The following ATP13A4 variants were observed in gnomAD, a reference collection of about 807,000 sequenced individuals.
The protein encoded by ATP13A4 is ATPase 13A4.
Under a neutral mutation model 142.5 loss-of-function variants are expected in ATP13A4, and 114 were observed. That is an observed-to-expected ratio of 0.80 (90% confidence interval 0.69 to 0.93). The LOEUF (loss-of-function observed/expected upper bound fraction) is 0.93. Among genes scored for constraint, ATP13A4 ranks in the 40% least tolerant of loss-of-function variants. The pLI is 0.00. For missense variants in ATP13A4, 1,392 were observed against 1,454.0 expected (o/e 0.96, Z 0.69); for synonymous variants, 488 against 514.8 (o/e 0.95, Z 0.70).
At chr3:193,549,184 T>C (rs935055020) in intron 1 of ATP13A4, among the ~76,000 whole-genome samples, 1 of 152,144 alleles carries the variant, frequency 6.6e-6, no homozygotes, top group African/African-American at 2.4e-5. Flanking sequence ...CATGATGTGT[T>C]AATCCAAATT....
chr3:193,410,396 T>A (rs1285045374), intron 28 of ATP13A4, among the ~76,000 whole-genome samples: 4 of 152,140 alleles, frequency 2.6e-5, no homozygotes, highest in Non-Finnish European at 5.9e-5. Context: ...AGAAAAACAT[T>A]TTCTCATAGG....
At position 193,414,741 on chromosome 3, in the gene ATP13A4, T is replaced by C; in HGVS notation, c.2852A>G (p.Asn951Ser). ...AGGCACCAGCTTAGGGTAGGCACCA[T>C]TCAGATTCACTATAAAATAAATTCG... ...TTLIGVTMNL[N>S]GAYPKLVPFR... Residue 951 changes from asparagine to serine, a missense_variant, in exon 26 of 30, where the codon AAT (asparagine) becomes AGT (serine). Physicochemically the swap from Asn to Ser is conservative, Grantham distance 46. Coordinates refer to ENST00000342695, the MANE Select transcript of ATP13A4 (RefSeq NM_032279.4). The C allele has an allele frequency of 1.2e-6, 2 of 1,614,048 alleles. No individual in the cohort carries two copies. The highest frequency in any genetic ancestry group is 1.7e-6 in the Non-Finnish European group (2 of 1,179,976).
At position 193,497,903 on chromosome 3, in the gene ATP13A4, C is replaced by T. The variant is rs144317689; in HGVS notation, c.381+4590G>A. Among the ~76,000 whole-genome samples, 18 of 152,026 alleles carry T rather than the reference C, an allele frequency of 1.2e-4. No homozygotes were observed. The East Asian group carries it at 3.5e-3, about 29-fold the overall frequency. ...AGTAGGGAGTACAATATTGGCTATC[C>T]GAGGTTGGGGGGAATAGCATAGACA... On this transcript the variant is annotated intron_variant, in intron 3 of 29. Transcript: ENST00000342695.
At chr3:193,589,203 ATTTGTGTGTGTATATAT>A (rs1392685671) in intron 1 of ATP13A4, among the ~76,000 whole-genome samples, 3 of 151,778 alleles carry the variant, frequency 2.0e-5, no homozygotes, top group African/African-American at 7.3e-5. Context: ...TGTGTATATA[ATTTGTGTGTGTATATAT>A]ATGTATTTAT....
At chr3:193,460,161 C>G (rs575619706) in intron 13 of ATP13A4, among the ~76,000 whole-genome samples, 4 of 152,146 alleles carry the variant, frequency 2.6e-5, no homozygotes, top group Admixed American at 6.5e-5. Context: ...TCAACTCTGC[C>G]GTCCCCTTCA....
chr3:193,529,071 A>C (rs1577054494), intron 1 of ATP13A4, among the ~76,000 whole-genome samples: 1 of 152,154 alleles, frequency 6.6e-6, no homozygotes. Flanking sequence ...GGAGATCAAG[A>C]CCATCCTAGC....
intron 10 of ATP13A4, 148 bp from the exon 11 acceptor site, chr3:193,466,330 A>C: frequency 9.9e-7 from 1 of 1,012,354 alleles, no homozygotes; most frequent in South Asian, 1.3e-5. Context: ...AGAAAAATAC[A>C]TAAATGCTGG....
rs1196651195 is a variant in ATP13A4, at chr3:193,466,144, G to T, written c.1153C>A (p.Leu385Ile). 1 of 1,613,992 alleles carries T rather than the reference G, an allele frequency of 6.2e-7. No homozygotes were observed. Among genetic ancestry groups the T allele is most frequent in the African/African-American group, 1.3e-5 (1 of 74,920 alleles). Reference protein sequence around the residue: ...TAKGDLVRSILYPKPVNFQLY... With the variant: ...TAKGDLVRSIIYPKPVNFQLY... ...TGAAAATTCACTGGCTTAGGGTAGA[G>T]AATGGATCTCACAAGGTCTCCCTTT... The change falls in exon 11 of 30, where the codon CTC (leucine) becomes ATC (isoleucine). Residue 385 changes from leucine to isoleucine, a missense_variant. By Grantham distance (5) the Leu-to-Ile change is conservative. Coordinates refer to ENST00000342695, the MANE Select transcript of ATP13A4 (RefSeq NM_032279.4).
intron 2 of ATP13A4, among the ~76,000 whole-genome samples, chr3:193,503,137 T>G (rs1240165440): frequency 6.6e-6 from 1 of 152,156 alleles, no homozygotes; most frequent in African/African-American, 2.4e-5. Context: ...CTACCTGGAA[T>G]GCAGGGATCA....
intron 8 of ATP13A4, among the ~76,000 whole-genome samples, chr3:193,475,344 A>T (rs1476340334): frequency 6.6e-6 from 1 of 152,110 alleles, no homozygotes; most frequent in Non-Finnish European, 1.5e-5. Flanking sequence ...TGTATATACT[A>T]AATGGTCCCT....
At chr3:193,471,457 T>A (rs963334411) in intron 8 of ATP13A4, among the ~76,000 whole-genome samples, 2 of 152,002 alleles carry the variant, frequency 1.3e-5, no homozygotes, top group African/African-American at 4.8e-5. Flanking sequence ...ACACCTGTAC[T>A]CCCAGCTACT....
chr3:193,401,688 C>T lies in ATP13A4; in HGVS notation c.*964G>A, dbSNP rs1027160145. 1.3e-5 allele frequency among the ~76,000 whole-genome samples: 2 copies of T among 152,104 alleles called. No homozygotes were observed. The highest frequency in any genetic ancestry group is 2.9e-5 in the Non-Finnish European group (2 of 68,016). On this transcript the variant is annotated 3_prime_UTR_variant, in exon 30 of 30. Coordinates refer to ENST00000342695, the MANE Select transcript of ATP13A4 (RefSeq NM_032279.4). ...CTGGTACAAAATGAAAATATGGGGACCCCTGTTCAAAAATTAAGAATTTTA... is the reference window on the plus strand; with the variant it reads ...CTGGTACAAAATGAAAATATGGGGATCCCTGTTCAAAAATTAAGAATTTTA...
chr3:193,438,348 AT>A, intron 23 of ATP13A4, 126 bp downstream of exon 23: 1 of 770,870 alleles, frequency 1.3e-6, no homozygotes, highest in South Asian at 1.5e-5. Context: ...GCTTGACTGC[AT>A]TCTTCCACAA....
chr3:193,467,562 A>C, intron 9 of ATP13A4, 76 bp from the exon 10 acceptor site: 1 of 1,463,048 alleles, frequency 6.8e-7, no homozygotes, highest in Non-Finnish European at 9.6e-7. Context: ...CCCACTCATC[A>C]TACAACAGAC....
chr3:193,410,643 C>A (rs1305215246), intron 28 of ATP13A4, among the ~76,000 whole-genome samples: 1 of 152,094 alleles, frequency 6.6e-6, no homozygotes, highest in African/African-American at 2.4e-5. Context: ...TGCTTGAGCT[C>A]AGAAATTTGA....
intron 1 of ATP13A4, among the ~76,000 whole-genome samples, chr3:193,522,759 C>G (rs943001189): frequency 6.6e-6 from 1 of 152,152 alleles, no homozygotes; most frequent in Non-Finnish European, 1.5e-5. Context: ...AGGAAATAGG[C>G]AAGAGGGACT....
chr3:193,481,333 G>A (rs1719280816), intron 8 of ATP13A4, among the ~76,000 whole-genome samples: 1 of 152,044 alleles, frequency 6.6e-6, no homozygotes, highest in South Asian at 2.1e-4. Context: ...CATCACTAGA[G>A]CATGTTTTGA....
intron 25 of ATP13A4, among the ~76,000 whole-genome samples, chr3:193,424,583 G>A (rs35617852): frequency 0.081 from 12,057 of 149,330 alleles, 944 homozygotes; most frequent in Non-Finnish European, 0.11. Flanking sequence ...GGAAAGCACC[G>A]TCTCCTCAAT....
intron 28 of ATP13A4, among the ~76,000 whole-genome samples, chr3:193,409,640 A>C (rs1714669451): frequency 6.6e-6 from 1 of 152,246 alleles, no homozygotes; most frequent in Admixed American, 6.5e-5. Context: ...TTAATTCACG[A>C]AGGCACTTAA....
Sources: gnomAD v4.1 joint callset for allele counts (sites outside exome capture counted in the v4.1 genomes callset) on GRCh38, gnomAD v4.1.1 for gene constraint, MANE v1.5 for transcripts, NCBI Gene and HGNC (gene_info 2026-07-23, HGNC 2026-07-21) for gene names.